STRADA: variants seen among roughly 807,000 people sequenced by gnomAD.
The protein encoded by STRADA is STE20 related adaptor alpha.
In STRADA, 26 loss-of-function variants were observed where a neutral mutation model predicts 55.0. The observed-to-expected ratio is 0.47, with a 90% CI of 0.35 to 0.66. The LOEUF (loss-of-function observed/expected upper bound fraction) is 0.66. Ranked by LOEUF, STRADA falls within the 30% of genes least tolerant of loss-of-function variation. The pLI is 0.01. For missense variants in STRADA, 443 were observed against 549.7 expected, an observed-to-expected ratio of 0.81 and a Z score of 1.94; for synonymous variants, 197 against 210.9, an observed-to-expected ratio of 0.93 and a Z score of 0.57.
At chr17:63,725,507 A>G (rs1390328630) in intron 3 of STRADA, among the ~76,000 whole-genome samples, 3 of 151,942 alleles carry the variant, frequency 2.0e-5, no homozygotes, top group African/African-American at 7.2e-5. Flanking sequence ...GTGCATCACC[A>G]TGCCCGGCTA....
chr17:63,738,322 C>T (rs971178568), intron 1 of STRADA, among the ~76,000 whole-genome samples: 1 of 119,092 alleles, frequency 8.4e-6, no homozygotes, highest in African/African-American at 3.4e-5. Flanking sequence ...GCCTGGGCGA[C>T]AGAGCGAGAC....
chr17:63,711,244 A>G (rs1201118162), intron 6 of STRADA, among the ~76,000 whole-genome samples: 1 of 152,366 alleles, frequency 6.6e-6, no homozygotes, highest in Non-Finnish European at 1.5e-5. Context: ...TGTGTTGCCC[A>G]GGCTGGTCTC....
intron 1 of STRADA, 103 bp downstream of exon 1, chr17:63,741,638 A>G: frequency 6.6e-6 from 1 of 152,354 alleles, no homozygotes; most frequent in Non-Finnish European, 1.5e-5. Context: ...TGAGCCCAGG[A>G]TGGCCGCTCC....
chr17:63,706,831 C>A, intron 9 of STRADA, 92 bp from the exon 10 acceptor site: 1 of 964,358 alleles, frequency 1.0e-6, no homozygotes, highest in East Asian at 2.4e-5. Context: ...GATGGCTGTC[C>A]CCACATCAGG....
intron 3 of STRADA, among the ~76,000 whole-genome samples, chr17:63,724,301 C>T (rs9906648): frequency 0.034 from 5,192 of 152,074 alleles, 322 homozygotes; most frequent in African/African-American, 0.12. Flanking sequence ...TGCCACCACG[C>T]CTGGCTAATT....
At chr17:63,740,149 C>CACATACATATAT (rs1568234412) in intron 1 of STRADA, among the ~76,000 whole-genome samples, 6 of 46,804 alleles carry the variant, frequency 1.3e-4, no homozygotes, top group Admixed American at 6.9e-4. Flanking sequence ...TATATATATA[C>CACATACATATAT]ACACACACAC....
At position 63,710,473 on chromosome 17, in the gene STRADA, G is replaced by A. The variant is rs1475453085; in HGVS notation, c.581+18C>T. The A allele has an allele frequency of 1.2e-6, 2 of 1,612,730 alleles. No homozygotes were observed. Among genetic ancestry groups the A allele is most frequent in the South Asian group, 2.2e-5 (2 of 91,004 alleles). ...AGCTACCCACTGTAATCATGGGAAAGGCCGCCTAAGAACGCACCTGTGTAC... is the reference window on the plus strand; with the variant it reads ...AGCTACCCACTGTAATCATGGGAAAAGCCGCCTAAGAACGCACCTGTGTAC... On this transcript the variant is annotated intron_variant, in intron 8 of 12. Transcript: ENST00000336174.
intron 11 of STRADA, 144 bp from the exon 12 acceptor site, chr17:63,704,191 C>T: frequency 1.3e-6 from 2 of 1,520,722 alleles, no homozygotes; most frequent in Admixed American, 4.1e-5. Context: ...CCCAGGCTGG[C>T]CTCTGACACA....
chr17:63,706,564 G>T (rs1302721351), intron 10 of STRADA, 71 bp downstream of exon 10: 4 of 1,087,588 alleles, frequency 3.7e-6, no homozygotes, highest in Non-Finnish European at 5.6e-6. Context: ...TGTCCTGAGT[G>T]TGAGAGCTAC....
chr17:63,736,349 C>T (rs527508008), intron 1 of STRADA, among the ~76,000 whole-genome samples: 9 of 151,286 alleles, frequency 5.9e-5, no homozygotes, highest in Non-Finnish European at 1.2e-4. Context: ...TGTGTCCAGC[C>T]GGGCGCGGTG....
chr17:63,703,965 C>CATAACT (rs2035887572), intron 12 of STRADA, 40 bp downstream of exon 12: 1 of 1,360,652 alleles, frequency 7.3e-7, no homozygotes, highest in Non-Finnish European at 1.0e-6. Context: ...TTGTTAGAAC[C>CATAACT]AGAACTAGAA....
At chr17:63,739,960 C>T (rs1475796153) in intron 1 of STRADA, among the ~76,000 whole-genome samples, 2 of 147,284 alleles carry the variant, frequency 1.4e-5, no homozygotes, top group East Asian at 2.0e-4. Context: ...CCAGGCACCC[C>T]GCCAGGCAGG....
intron 6 of STRADA, 84 bp downstream of exon 6, chr17:63,713,322 C>T (rs1344225697): frequency 2.4e-5 from 37 of 1,561,092 alleles, no homozygotes; most frequent in African/African-American, 4.1e-5. Context: ...TTTAGTCTCC[C>T]TTCATTTCTT....
chr17:63,716,458 TG>T (rs1482362922), intron 4 of STRADA, among the ~76,000 whole-genome samples: 3 of 151,922 alleles, frequency 2.0e-5, no homozygotes, highest in African/African-American at 4.8e-5. Context: ...TCTTAATTTT[TG>T]CCAGTCTCAT....
At chr17:63,705,151 CA>C in intron 10 of STRADA, 1 of 592,060 alleles carries the variant, frequency 1.7e-6, no homozygotes, top group Admixed American at 2.9e-5. Flanking sequence ...TGGAAGTCCT[CA>C]TGACCGCATA....
chr17:63,711,020 A>C, intron 6 of STRADA, 184 bp from the exon 7 acceptor site: 1 of 591,676 alleles, frequency 1.7e-6, no homozygotes, highest in Non-Finnish European at 3.0e-6. Flanking sequence ...CTCTGCAGGG[A>C]CCCAGCACTG....
At chr17:63,719,599 C>G (rs985455740) in intron 4 of STRADA, among the ~76,000 whole-genome samples, 3 of 151,906 alleles carry the variant, frequency 2.0e-5, no homozygotes, top group African/African-American at 7.3e-5. Context: ...TTCTCCTGCC[C>G]CAGCCTCCTG....
At chr17:63,741,262 CAA>C (rs1241605038) in intron 1 of STRADA, 1 of 152,234 alleles carries the variant, frequency 6.6e-6, no homozygotes, top group Non-Finnish European at 1.5e-5. Flanking sequence ...TTCTGGAAAA[CAA>C]AAAGACAATG....
At chr17:63,729,187 CCTG>C (rs1393543682) in intron 1 of STRADA, among the ~76,000 whole-genome samples, 2 of 152,108 alleles carry the variant, frequency 1.3e-5, no homozygotes, top group Non-Finnish European at 2.9e-5. Context: ...ACAGTGTTAT[CCTG>C]CTTTTTAATA....
Sources: allele counts gnomAD v4.1 joint callset (sites outside exome capture counted in the v4.1 genomes callset), GRCh38; gene constraint gnomAD v4.1.1; transcripts MANE v1.5; gene names NCBI Gene and HGNC (gene_info 2026-07-23, HGNC 2026-07-21).